The following ASAP1 variants were observed in gnomAD, a reference collection of about 807,000 sequenced individuals.
ASAP1 encodes ArfGAP with SH3 domain, ankyrin repeat and PH domain 1.
ASAP1 carries 43 observed loss-of-function variants against 145.2 expected under a neutral mutation model. The observed-to-expected ratio is 0.30, with a 90% CI of 0.23 to 0.38. The LOEUF (loss-of-function observed/expected upper bound fraction) is 0.38. ASAP1 is among the 10% of genes least tolerant of loss of function. The pLI, the probability that ASAP1 is intolerant of heterozygous loss-of-function variation, is 1.00. For missense variants in ASAP1, 1,018 were observed against 1,355.3 expected, an observed-to-expected ratio of 0.75 and a Z score of 3.91; for synonymous variants, 546 against 515.5, an observed-to-expected ratio of 1.06 and a Z score of -0.80.
chr8:130,291,972 T>A (rs1010051274), intron 3 of ASAP1, among the ~76,000 whole-genome samples: 6 of 152,182 alleles, frequency 3.9e-5, no homozygotes, highest in Admixed American at 2.6e-4. Context: ...GACCAGACCA[T>A]CCTCAAGCCC....
intron 3 of ASAP1, among the ~76,000 whole-genome samples, chr8:130,267,391 C>T (rs1229497903): frequency 1.1e-4 from 16 of 152,190 alleles, no homozygotes. Flanking sequence ...TTACTGAGTA[C>T]TTAGCCTGTG....
At chr8:130,168,856 G>T (rs2097685542) in intron 10 of ASAP1, 136 bp downstream of exon 10, 5 of 526,286 alleles carry the variant, frequency 9.5e-6, no homozygotes, top group Middle Eastern at 5.1e-4. Context: ...AAACTGAAGG[G>T]TTATCTGTCC....
intron 3 of ASAP1, among the ~76,000 whole-genome samples, chr8:130,311,102 T>C (rs901128245): frequency 2.0e-5 from 3 of 152,188 alleles, no homozygotes; most frequent in Non-Finnish European, 4.4e-5. Flanking sequence ...CAGAAATGTG[T>C]GCAAAAGGAA....
Position 130,159,951 on chromosome 8 carries a change from C to T in ASAP1, c.923G>A (p.Arg308Gln), listed in dbSNP as rs772014163. 6.8e-6 allele frequency: 11 copies of T among 1,613,708 alleles called. No individual in the cohort carries two copies. Among genetic ancestry groups the T allele is most frequent in the South Asian group, 1.1e-5 (1 of 91,072 alleles). ...CTGATGCATGCTGTATCCTCCTTGC[C>T]GGCTCTGAGAATCCTAGGAAAGAAA... is the stretch of plus-strand genomic sequence containing the variant. The part of the protein sequence containing the change: ...QLDQKEDSQS[R>Q]QGGYSMHQLQ... The change falls in exon 12 of 30, where the codon CGG becomes CAG. Residue 308 changes from arginine to glutamine, a missense_variant. Around this residue, in one of 9 missense-constraint regions of ASAP1, gnomAD observed 62 missense variants for 68.5 expected, o/e 0.90. Coordinates refer to ENST00000518721, the MANE Select transcript of ASAP1 (RefSeq NM_018482.4).
chr8:130,186,220 G>A (rs995862854), intron 7 of ASAP1, among the ~76,000 whole-genome samples: 5 of 152,220 alleles, frequency 3.3e-5, no homozygotes, highest in East Asian at 1.9e-4. Flanking sequence ...TTTTAAGAAC[G>A]TTTTTGTTCT....
intron 3 of ASAP1, among the ~76,000 whole-genome samples, chr8:130,238,570 G>A (rs532016434): frequency 6.6e-6 from 1 of 152,130 alleles, no homozygotes; most frequent in Admixed American, 6.5e-5. Context: ...GCACTTACTA[G>A]ACATCAGGTA....
chr8:130,432,055 A>G (rs1241713211), intron 1 of ASAP1, among the ~76,000 whole-genome samples: 223 of 98,626 alleles, frequency 2.3e-3, no homozygotes, highest in African/African-American at 8.3e-3. Flanking sequence ...GTGGGGGAAG[A>G]GAGAGGAGGA....
chr8:130,095,492 G>A (rs2097515616), intron 24 of ASAP1, among the ~76,000 whole-genome samples: 2 of 151,644 alleles, frequency 1.3e-5, no homozygotes, highest in Admixed American at 1.3e-4. Context: ...GTAGAGATGG[G>A]GTTTTGCCAT....
intron 3 of ASAP1, among the ~76,000 whole-genome samples, chr8:130,355,757 G>A (rs2138106891): frequency 6.6e-6 from 1 of 152,268 alleles, no homozygotes; most frequent in Non-Finnish European, 1.5e-5. Context: ...CAACTATGGT[G>A]GCTATCCTTC....
intron 3 of ASAP1, among the ~76,000 whole-genome samples, chr8:130,300,054 A>G (rs1586784575): frequency 6.6e-6 from 1 of 151,728 alleles, no homozygotes; most frequent in African/African-American, 2.4e-5. Flanking sequence ...CAAAAGACGA[A>G]AAACAAACAA....
chr8:130,380,326 T>A (rs2138380478), intron 2 of ASAP1, among the ~76,000 whole-genome samples: 1 of 152,328 alleles, frequency 6.6e-6, no homozygotes, highest in South Asian at 2.1e-4. Context: ...GTGTGTATTC[T>A]CCAACTCTGC....
intron 24 of ASAP1, among the ~76,000 whole-genome samples, chr8:130,099,929 A>G (rs1269629766): frequency 6.6e-6 from 1 of 152,078 alleles, no homozygotes; most frequent in Non-Finnish European, 1.5e-5. Flanking sequence ...GGACATTTAG[A>G]CTGATTCCAT....
intron 3 of ASAP1, among the ~76,000 whole-genome samples, chr8:130,250,551 A>G (rs1253923910): frequency 6.6e-6 from 1 of 152,158 alleles, no homozygotes; most frequent in African/African-American, 2.4e-5. Context: ...TTCAATTATG[A>G]GTTTAGACCC....
At chr8:130,126,522 T>TC (rs1033602363) in intron 16 of ASAP1, among the ~76,000 whole-genome samples, 74 of 152,334 alleles carry the variant, frequency 4.9e-4, no homozygotes, top group African/African-American at 1.7e-3. Flanking sequence ...CATGAGCACT[T>TC]CTTAGTAATA....
At chr8:130,208,955 C>T (rs1816403875) in intron 5 of ASAP1, among the ~76,000 whole-genome samples, 1 of 151,942 alleles carries the variant, frequency 6.6e-6, no homozygotes, top group Admixed American at 6.6e-5. Flanking sequence ...GACAAAAGGA[C>T]TAGAAAGATA....
At chr8:130,144,941 G>T (rs1175302874) in intron 13 of ASAP1, among the ~76,000 whole-genome samples, 2 of 152,156 alleles carry the variant, frequency 1.3e-5, no homozygotes, top group Non-Finnish European at 2.9e-5. Flanking sequence ...ATTGCAGCAA[G>T]GAATCGGTTA....
intron 11 of ASAP1, chr8:130,167,314 G>GA (rs78363913): frequency 0.014 from 6,995 of 503,464 alleles, no homozygotes; most frequent in Non-Finnish European, 0.017. Flanking sequence ...AAAGAAAAAA[G>GA]AAAAAAAAAA....
At chr8:130,200,985 T>C (rs1815833656) in intron 5 of ASAP1, among the ~76,000 whole-genome samples, 1 of 152,174 alleles carries the variant, frequency 6.6e-6, no homozygotes, top group Admixed American at 6.5e-5. Flanking sequence ...TTCCTAGTGG[T>C]TCTCAAAAGT....
At chr8:130,111,439 C>G (rs2097546681) in intron 24 of ASAP1, among the ~76,000 whole-genome samples, 1 of 152,122 alleles carries the variant, frequency 6.6e-6, no homozygotes, top group Admixed American at 6.6e-5. Flanking sequence ...CACACAGAAC[C>G]TGGGTTAGAA....
Sources: gnomAD v4.1 joint callset for allele counts (sites outside exome capture counted in the v4.1 genomes callset) on GRCh38, gnomAD v4.1.1 for gene constraint, gnomAD v4.1.1 regional missense constraint, MANE v1.5 for transcripts, NCBI Gene and HGNC (gene_info 2026-07-23, HGNC 2026-07-21) for gene names.